The following SYF2 variants were observed in gnomAD, a reference collection of about 807,000 sequenced individuals.
SYF2 encodes the protein pre-mRNA-splicing factor SYF2.
A neutral mutation model predicts 32.7 loss-of-function variants in SYF2; 21 were observed. The observed-to-expected ratio is 0.64, with a 90% CI of 0.45 to 0.92. The LOEUF (loss-of-function observed/expected upper bound fraction) is 0.92. SYF2 is among the 40% of genes least tolerant of loss of function. The pLI, the probability that SYF2 is intolerant of heterozygous loss-of-function variation, is 0.00. For missense variants in SYF2, 278 were observed against 296.5 expected (o/e 0.94, Z 0.46); for synonymous variants, 114 against 103.9 (o/e 1.10, Z -0.59).
Position 25,225,008 on chromosome 1 carries a change from T to G in SYF2, c.560A>C (p.Glu187Ala). ...EEIDRMVIDL[E>A]KQIEKRDKYS... is the part of the protein sequence containing the mutation. Reference sequence around the variant, plus strand: ...TGCTCTACTGAATACTTACTGTTTTTCCAGATCTATGACCATCCTGTCAAT... The same window carrying G: ...TGCTCTACTGAATACTTACTGTTTTGCCAGATCTATGACCATCCTGTCAAT... Residue 187 changes from glutamate (E) to alanine (A), a missense_variant, in exon 6 of 7, where the codon GAA (glutamate) becomes GCA (alanine). Transcript: ENST00000236273. 1 of 1,611,798 alleles carries G rather than the reference T, an allele frequency of 6.2e-7. No individual in the cohort carries two copies. Among genetic ancestry groups the G allele is most frequent in the Non-Finnish European group, 8.5e-7 (1 of 1,177,874 alleles).
rs1451240580 is a variant in SYF2, at chr1:25,222,524, A to T, written c.*742T>A. Among the ~76,000 whole-genome samples the T allele has an allele frequency of 6.6e-6, 1 of 152,026 alleles. No individual in the cohort carries two copies. Among genetic ancestry groups the T allele is most frequent in the East Asian group, 1.9e-4 (1 of 5,198 alleles). On this transcript the variant is annotated 3_prime_UTR_variant, in exon 7 of 7. Coordinates refer to ENST00000236273, the MANE Select transcript of SYF2 (RefSeq NM_015484.5). ...CTGGCCATGAGTTAATGATTGTTGA[A>T]CAGGGTACTGGGTATATGGGACTCA...
intron 2 of SYF2, chr1:25,231,637 T>C (rs1285783093): frequency 1.2e-5 from 2 of 167,258 alleles, no homozygotes; most frequent in African/African-American, 4.8e-5. Flanking sequence ...TTATTTTCTT[T>C]TTATTCTTTT....
At chr1:25,224,887 CTG>C in intron 6 of SYF2, 113 bp downstream of exon 6, 1 of 801,792 alleles carries the variant, frequency 1.2e-6, no homozygotes, top group Admixed American at 2.1e-5. Flanking sequence ...GCAAGTATAA[CTG>C]TACAATTTCT....
chr1:25,223,903 T>C (rs1396139271), intron 6 of SYF2, among the ~76,000 whole-genome samples: 2 of 152,062 alleles, frequency 1.3e-5, no homozygotes, highest in African/African-American at 4.8e-5. Context: ...ACTATAACAA[T>C]ATTAAATAGG....
intron 4 of SYF2, among the ~76,000 whole-genome samples, 188 bp from the exon 5 acceptor site, chr1:25,227,720 A>C (rs1250203983): frequency 6.6e-6 from 1 of 152,154 alleles, no homozygotes; most frequent in Non-Finnish European, 1.5e-5. Flanking sequence ...GAAATGCTCC[A>C]ATCAGCATTT....
At chr1:25,232,298 C>G (rs1638650245) in intron 1 of SYF2, 87 bp from the exon 2 acceptor site, 2 of 1,583,940 alleles carry the variant, frequency 1.3e-6, no homozygotes, top group South Asian at 2.2e-5. Context: ...TCCCCACAGG[C>G]TGGGCCTAGG....
intron 5 of SYF2, among the ~76,000 whole-genome samples, chr1:25,226,627 GAACAA>G (rs927881307): frequency 6.6e-6 from 1 of 152,128 alleles, no homozygotes; most frequent in Non-Finnish European, 1.5e-5. Context: ...GCCCAGTTAA[GAACAA>G]AACAAAAAAC....
chr1:25,225,180 A>G (rs1420522593), intron 5 of SYF2, 80 bp from the exon 6 acceptor site: 4 of 894,436 alleles, frequency 4.5e-6, no homozygotes, highest in East Asian at 2.4e-5. Flanking sequence ...ACCATACATG[A>G]TAAGAAAGTA....
rs139754260 is a variant in SYF2 at position 25,232,094 on chromosome 1, G to C, written c.132+10C>G. 3.6e-4 allele frequency: 582 copies of C among 1,612,858 alleles called. 3 individuals are homozygous for C. The African/African-American group carries it at 6.3e-3, about 17-fold the overall frequency. ...ATGACGGATCTAAGCCGGCCTCCAAGACTACTCACCCGCATCAGGTGCAGC... is the reference window on the plus strand; with the variant it reads ...ATGACGGATCTAAGCCGGCCTCCAACACTACTCACCCGCATCAGGTGCAGC... On this transcript the variant is annotated intron_variant, in intron 2 of 6. Coordinates refer to ENST00000236273, the MANE Select transcript of SYF2 (RefSeq NM_015484.5).
intron 4 of SYF2, among the ~76,000 whole-genome samples, chr1:25,227,885 GACAA>G (rs1557470425): frequency 2.0e-5 from 3 of 152,168 alleles, no homozygotes; most frequent in African/African-American, 4.8e-5. Flanking sequence ...TGAAGATGCT[GACAA>G]ACAGACTTTG....
At chr1:25,231,894 G>C in intron 2 of SYF2, 3 of 628,638 alleles carry the variant, frequency 4.8e-6, no homozygotes, top group Non-Finnish European at 8.7e-6. Context: ...GGGTGGGAGA[G>C]GGGCTGGAGT....
intron 2 of SYF2, chr1:25,231,326 G>A (rs1341278543): frequency 6.6e-6 from 1 of 152,152 alleles, no homozygotes; most frequent in South Asian, 2.1e-4. Flanking sequence ...GTGAAACAGG[G>A]GCTGCTTTTC....
chr1:25,227,390 C>T, intron 5 of SYF2, 52 bp downstream of exon 5: 5 of 1,362,096 alleles, frequency 3.7e-6, no homozygotes, highest in Non-Finnish European at 4.2e-6. Flanking sequence ...CATGTATACA[C>T]ACACACACAC....
At chr1:25,228,277 T>C (rs1477418468) in intron 3 of SYF2, 42 bp from the exon 4 acceptor site, 4 of 1,454,466 alleles carry the variant, frequency 2.8e-6, no homozygotes, top group Middle Eastern at 1.7e-4. Context: ...TTATGATACA[T>C]GCAATAATTT....
At chr1:25,232,068 G>A in intron 2 of SYF2, 36 bp downstream of exon 2, 4 of 1,598,510 alleles carry the variant, frequency 2.5e-6, no homozygotes, top group South Asian at 2.2e-5. Context: ...GGCTTGGCCA[G>A]ATGACGGATC....
Position 25,232,170 on chromosome 1 carries a change from C to T in SYF2, c.66G>A (p.Ala22=). Residue 22 remains alanine, a synonymous_variant, in exon 2 of 7, where the codon GCG becomes GCA. Coordinates refer to ENST00000236273, the MANE Select transcript of SYF2 (RefSeq NM_015484.5). Reference sequence around the variant, plus strand: ...CGCGCTTCTGAGCGGCCAGCTCCGCCGCCGCAGCGAGGGACCCCTCCTCCG... The same window carrying T: ...CGCGCTTCTGAGCGGCCAGCTCCGCTGCCGCAGCGAGGGACCCCTCCTCCG... The part of the protein sequence containing the change: ...DSAEEGSLAA[A]AELAAQKREQ... 2 of 1,613,994 alleles carry T rather than the reference C, an allele frequency of 1.2e-6. No homozygotes were observed. Among genetic ancestry groups the T allele is most frequent in the Non-Finnish European group, 1.7e-6 (2 of 1,180,012 alleles).
In SYF2 at chr1:25,223,051, C is replaced by A; in HGVS notation, c.*215G>T. 1 of 410,220 alleles carries A rather than the reference C, an allele frequency of 2.4e-6. No homozygotes were observed. The highest frequency in any genetic ancestry group is 4.3e-6 in the Non-Finnish European group (1 of 231,136). 25.4% of individuals were successfully genotyped at this position (410,220 alleles called of 1,614,324 possible). Reference sequence around the variant, plus strand: ...CAAAGTAGATTACAAAACAACTTCACTACAAGAAATACATCTTATATCCAA... The same window carrying A: ...CAAAGTAGATTACAAAACAACTTCAATACAAGAAATACATCTTATATCCAA... On this transcript the variant is annotated 3_prime_UTR_variant, in exon 7 of 7. Transcript: ENST00000236273.
chr1:25,228,234 T>G lies in SYF2; in HGVS notation c.260A>C (p.Glu87Ala), dbSNP rs778556535. The change falls in exon 4 of 7, where the codon GAA (glutamate) becomes GCA (alanine). Residue 87 changes from glutamate to alanine, a missense_variant and splice_region_variant. By Grantham distance (107) the Glu-to-Ala change is moderately radical. Transcript: ENST00000236273. The part of the protein sequence containing the change: ...WELKEEEKKK[E>A]CAARGEDYEK... Reference sequence around the variant, plus strand: ...ATAGTCTTCTCCTCTTGCCGCACATTCCTAAAAAGAAGAAAAAAGCTGACA... The same window carrying G: ...ATAGTCTTCTCCTCTTGCCGCACATGCCTAAAAAGAAGAAAAAAGCTGACA... The G allele has an allele frequency of 3.1e-6, 5 of 1,610,086 alleles. No individual in the cohort carries two copies. Among genetic ancestry groups the G allele is most frequent in the Non-Finnish European group, 4.2e-6 (5 of 1,179,404 alleles).
At chr1:25,228,770 TG>T (rs1196680959) in intron 3 of SYF2, among the ~76,000 whole-genome samples, 1 of 152,246 alleles carries the variant, frequency 6.6e-6, no homozygotes, top group African/African-American at 2.4e-5. Flanking sequence ...TAATTCATAA[TG>T]AACTCAAATA....
Sources: allele counts gnomAD v4.1 joint callset (sites outside exome capture counted in the v4.1 genomes callset), GRCh38; gene constraint gnomAD v4.1.1; transcripts MANE v1.5; gene names NCBI Gene and HGNC (gene_info 2026-07-23, HGNC 2026-07-21).